The following DACH2 variants were observed in gnomAD, a reference collection of about 807,000 sequenced individuals.
The protein encoded by DACH2 is dachshund family transcription factor 2, also known as dachshund homolog 2.
In DACH2, 17 loss-of-function variants were observed where a neutral mutation model predicts 35.8. The ratio of observed to expected loss-of-function variants is 0.48; its 90% confidence interval spans 0.33 to 0.71. The LOEUF (loss-of-function observed/expected upper bound fraction) is 0.71. Ranked by LOEUF, DACH2 falls within the 30% of genes least tolerant of loss-of-function variation. DACH2 has a pLI of 0.02. For missense variants in DACH2, 469 were observed against 472.7 expected, an observed-to-expected ratio of 0.99 and a Z score of 0.07; for synonymous variants, 195 against 177.3, an observed-to-expected ratio of 1.10 and a Z score of -0.79.
Position 86,814,808 on chromosome X carries a change from G to T in DACH2, c.1658G>T (p.Ser553Ile). The T allele has an allele frequency of 1.7e-6, 2 of 1,210,881 alleles. No homozygotes were observed. ...VEQALKQATT[S>I]DSGLRMLKDT... ...CAGGCACTTAAGCAAGCCACCACTA[G>T]TGACAGTGGCCTGAGGATGTTAAAA... Residue 553 changes from serine to isoleucine, a missense_variant, in exon 10 of 12, where the codon AGT (serine) becomes ATT (isoleucine). Ser to Ile is a moderately radical substitution (Grantham distance 142). Around this residue, in one of 3 missense-constraint regions of DACH2, gnomAD observed 363 missense variants for 334.4 expected, o/e 1.09. Coordinates refer to ENST00000373125, the MANE Select transcript of DACH2 (RefSeq NM_053281.3).
chrX:86,580,698 T>G (rs1254195107), intron 3 of DACH2, among the ~76,000 whole-genome samples: 3 of 111,267 alleles, frequency 2.7e-5, no homozygotes, highest in South Asian at 3.7e-4. Context: ...GAAGAAAGAA[T>G]AAAGAAAAAT....
intron 1 of DACH2, among the ~76,000 whole-genome samples, chrX:86,310,546 A>G (rs1267003575): frequency 1.8e-5 from 2 of 111,734 alleles, no homozygotes; most frequent in Non-Finnish European, 3.8e-5. Flanking sequence ...TCCCTGAAGG[A>G]CCGTGGTGAA....
chrX:86,681,918 C>T (rs925595106), intron 4 of DACH2, among the ~76,000 whole-genome samples: 1 of 110,570 alleles, frequency 9.0e-6, no homozygotes, highest in Non-Finnish European at 1.9e-5. Context: ...CCACTCTTTT[C>T]TCTTCAGGCA....
intron 7 of DACH2, among the ~76,000 whole-genome samples, chrX:86,762,405 G>C (rs1407591063): frequency 1.8e-5 from 2 of 111,210 alleles, no homozygotes; most frequent in Middle Eastern, 4.2e-3. Context: ...TCATTAATGG[G>C]CATGGAAATG....
intron 4 of DACH2, among the ~76,000 whole-genome samples, chrX:86,667,466 T>TGAAA (rs1467571161): frequency 1.4e-5 from 1 of 69,054 alleles, no homozygotes; most frequent in Non-Finnish European, 2.9e-5. Flanking sequence ...AAAGAATGAA[T>TGAAA]GAAAGAAAGA....
chrX:86,752,689 T>A (rs779234196), intron 7 of DACH2, among the ~76,000 whole-genome samples: 7 of 111,643 alleles, frequency 6.3e-5, no homozygotes, highest in African/African-American at 9.7e-5. Flanking sequence ...AATTGCAGAT[T>A]ATATCCTTGC....
chrX:86,763,829 G>A (rs1229860326), intron 7 of DACH2, among the ~76,000 whole-genome samples: 2 of 111,560 alleles, frequency 1.8e-5, no homozygotes, highest in African/African-American at 6.5e-5. Flanking sequence ...ACACAAATAT[G>A]TCCAATTTGT....
At chrX:86,688,935 C>T (rs1294834902) in intron 4 of DACH2, among the ~76,000 whole-genome samples, 2 of 111,566 alleles carry the variant, frequency 1.8e-5, no homozygotes, top group Non-Finnish European at 3.8e-5. Context: ...TTTTACTTTA[C>T]TTTAATTAAT....
intron 1 of DACH2, among the ~76,000 whole-genome samples, chrX:86,204,088 A>G (rs959274380): frequency 9.0e-6 from 1 of 111,702 alleles, no homozygotes; most frequent in Non-Finnish European, 1.9e-5. Flanking sequence ...TATAAAAAGT[A>G]TCTGTCCTCC....
At chrX:86,500,653 A>T (rs1403162647) in intron 2 of DACH2, among the ~76,000 whole-genome samples, 1 of 111,815 alleles carries the variant, frequency 8.9e-6, no homozygotes, top group African/African-American at 3.3e-5. Flanking sequence ...CACCAATTTT[A>T]GAGCACCAAG....
intron 7 of DACH2, among the ~76,000 whole-genome samples, chrX:86,770,471 C>T (rs984876591): frequency 2.7e-5 from 3 of 111,427 alleles, no homozygotes; most frequent in Non-Finnish European, 1.9e-5. Flanking sequence ...CAACTGAAAA[C>T]ATAAAACAAA....
chrX:86,819,947 G>T (rs986080810), intron 11 of DACH2, among the ~76,000 whole-genome samples: 1 of 111,569 alleles, frequency 9.0e-6, no homozygotes, highest in Non-Finnish European at 1.9e-5. Context: ...GTGGCTAGTG[G>T]TATAGTAGAC....
chrX:86,422,579 A>G (rs967009985), intron 2 of DACH2, among the ~76,000 whole-genome samples: 1 of 110,709 alleles, frequency 9.0e-6, no homozygotes, highest in Non-Finnish European at 1.9e-5. Flanking sequence ...TATTGGGAAC[A>G]TGGAATGTTT....
chrX:86,562,025 C>A (rs867750448), intron 3 of DACH2, among the ~76,000 whole-genome samples: 7 of 59,430 alleles, frequency 1.2e-4, no homozygotes, highest in African/African-American at 7.3e-4. Flanking sequence ...AAAAAAAAAT[C>A]TTTTGAAGGT....
intron 1 of DACH2, among the ~76,000 whole-genome samples, chrX:86,208,720 G>T (rs1158747136): frequency 9.0e-6 from 1 of 111,249 alleles, no homozygotes; most frequent in Non-Finnish European, 1.9e-5. Context: ...GAACCATCTT[G>T]CACACCCCTT....
At chrX:86,213,170 G>A (rs1288302352) in intron 1 of DACH2, among the ~76,000 whole-genome samples, 1 of 111,457 alleles carries the variant, frequency 9.0e-6, no homozygotes, top group Non-Finnish European at 1.9e-5. Context: ...AGTTGACCTA[G>A]GAAGGGAATG....
At chrX:86,236,552 T>C (rs1046018450) in intron 1 of DACH2, among the ~76,000 whole-genome samples, 1 of 112,286 alleles carries the variant, frequency 8.9e-6, no homozygotes, top group Non-Finnish European at 1.9e-5. Context: ...ATGACACACC[T>C]AGGCTATATT....
chrX:86,629,311 C>G (rs1335811389), intron 3 of DACH2, among the ~76,000 whole-genome samples: 1 of 111,330 alleles, frequency 9.0e-6, no homozygotes, highest in African/African-American at 3.3e-5. Flanking sequence ...GGTCATACCA[C>G]TTCTGGTATT....
At chrX:86,596,368 C>A (rs923280571) in intron 3 of DACH2, among the ~76,000 whole-genome samples, 1 of 111,143 alleles carries the variant, frequency 9.0e-6, no homozygotes, top group African/African-American at 3.3e-5. Flanking sequence ...ATTTTAATTT[C>A]TCCACGTCTT....
Sources: allele counts gnomAD v4.1 joint callset (sites outside exome capture counted in the v4.1 genomes callset), GRCh38; gene constraint gnomAD v4.1.1; regional missense constraint gnomAD v4.1.1; transcripts MANE v1.5; gene names NCBI Gene and HGNC (gene_info 2026-07-23, HGNC 2026-07-21).